The following GLIS3 variants were observed in gnomAD, a reference collection of about 807,000 sequenced individuals.
GLIS3 encodes the protein zinc finger protein GLIS3.
Under a neutral mutation model 78.6 loss-of-function variants are expected in GLIS3, and 53 were observed. The observed-to-expected ratio is 0.67, with a 90% CI of 0.54 to 0.85. The LOEUF (loss-of-function observed/expected upper bound fraction) is 0.85. Ranked by LOEUF, GLIS3 falls within the 40% of genes least tolerant of loss-of-function variation. The pLI is 0.00. For missense variants in GLIS3, 1,703 were observed against 1,231.1 expected, an observed-to-expected ratio of 1.38 and a Z score of -5.74; for synonymous variants, 684 against 509.9, an observed-to-expected ratio of 1.34 and a Z score of -4.60.
intron 2 of GLIS3, among the ~76,000 whole-genome samples, chr9:4,181,835 G>A (rs1441969448): frequency 6.6e-6 from 1 of 152,200 alleles, no homozygotes; most frequent in Non-Finnish European, 1.5e-5. Flanking sequence ...CACAGAGACA[G>A]ACCCCGTTCC....
At chr9:4,002,877 T>C (rs1468049764) in intron 4 of GLIS3, among the ~76,000 whole-genome samples, 1 of 152,188 alleles carries the variant, frequency 6.6e-6, no homozygotes, top group Non-Finnish European at 1.5e-5. Context: ...TGGTTAGAAC[T>C]GCAATAGCTG....
chr9:4,433,115 A>T, the GLIS3 span, among the ~76,000 whole-genome samples: 1 of 152,180 alleles, frequency 6.6e-6, no homozygotes, highest in African/African-American at 2.4e-5. Flanking sequence ...AGCTATATAA[A>T]TGTTGCTCTG....
intron 1 of GLIS3, chr9:4,347,321 G>T (rs1426095355): frequency 2.6e-5 from 4 of 152,066 alleles, no homozygotes; most frequent in Non-Finnish European, 4.4e-5. Flanking sequence ...ACTCATGAGG[G>T]ATCTGCCCTC....
In GLIS3 at chr9:3,954,389, G is replaced by A. The variant is rs185044389; in HGVS notation, c.1711-17200C>T. Reference sequence around the variant, plus strand: ...CAGAGCCAGTCTGCTCACATTCTAGGCACAGCTACATTCTCTGTGTTGTCT... The same window carrying A: ...CAGAGCCAGTCTGCTCACATTCTAGACACAGCTACATTCTCTGTGTTGTCT... On this transcript the variant is annotated intron_variant, in intron 4 of 10. Coordinates refer to ENST00000381971, the MANE Select transcript of GLIS3 (RefSeq NM_001042413.2). 1.1e-3 allele frequency among the ~76,000 whole-genome samples: 169 copies of A among 152,274 alleles called. 2 individuals carry two copies. The highest frequency in any genetic ancestry group is 1.9e-3 in the Non-Finnish European group (128 of 68,026).
intron 9 of GLIS3, among the ~76,000 whole-genome samples, chr9:3,846,728 C>G (rs1819070015): frequency 6.6e-6 from 1 of 152,224 alleles, no homozygotes; most frequent in East Asian, 1.9e-4. Context: ...TTTACTACCA[C>G]ACACTCAGTA....
intron 2 of GLIS3, among the ~76,000 whole-genome samples, chr9:4,222,604 G>T (rs1174821367): frequency 1.3e-5 from 2 of 152,174 alleles, no homozygotes; most frequent in Non-Finnish European, 2.9e-5. Context: ...ATTATCTAAT[G>T]TCAAGTGCGT....
At chr9:4,408,077 C>A in the GLIS3 span, among the ~76,000 whole-genome samples, 1 of 152,002 alleles carries the variant, frequency 6.6e-6, no homozygotes, top group Non-Finnish European at 1.5e-5. Context: ...TATCGTATGA[C>A]CCCAGTTAAA....
intron 4 of GLIS3, among the ~76,000 whole-genome samples, chr9:4,060,175 A>T (rs10974310): frequency 2.0e-5 from 3 of 151,676 alleles, no homozygotes; most frequent in African/African-American, 7.3e-5. Context: ...CTACCCTGAA[A>T]CTCTCAGTGG....
rs148293529 is a variant in GLIS3, at chr9:4,104,183, T to A, written c.1710+13585A>T. Among the ~76,000 whole-genome samples the A allele has an allele frequency of 8.7e-3, 1,326 of 152,174 alleles. 12 individuals are homozygous for A. Among genetic ancestry groups the A allele is most frequent in the Non-Finnish European group, 0.013 (895 of 67,986 alleles). On this transcript the variant is annotated intron_variant, in intron 4 of 10. Transcript: ENST00000381971. The stretch of plus-strand genomic sequence containing the variant: ...CTCATCTGATCTCCAGATTCACTAT[T>A]TGAATGTCTAAAAGGCTCCTCAAAC...
intron 2 of GLIS3, among the ~76,000 whole-genome samples, chr9:4,179,628 G>C (rs1406363699): frequency 6.6e-6 from 1 of 152,158 alleles, no homozygotes; most frequent in Non-Finnish European, 1.5e-5. Flanking sequence ...TTAATTTCTA[G>C]GCCAGGCACG....
Position 4,118,208 on chromosome 9 carries a change from A to C in GLIS3, c.1270T>G (p.Ser424Ala). 1 of 1,585,008 alleles carries C rather than the reference A, an allele frequency of 6.3e-7. No individual in the cohort carries two copies. The highest frequency in any genetic ancestry group is 8.6e-7 in the Non-Finnish European group (1 of 1,165,604). The change falls in exon 4 of 11, where the codon TCG becomes GCG. Residue 424 changes from serine (S) to alanine (A), a missense_variant. Transcript: ENST00000381971. This position sits in a 1 kb window ranked among gnomAD's most constrained non-coding sequence, Gnocchi z 4.7. Reference sequence around the variant, plus strand: ...CGTTCGGTCTTGAACAGGCCGGCCGACTGGCTGTCGGGGCCCGGCAGGCCA... The same window carrying C: ...CGTTCGGTCTTGAACAGGCCGGCCGCCTGGCTGTCGGGGCCCGGCAGGCCA... ...QHGLPGPDSQSAGLFKTERLE... is the reference protein window; with the variant it reads ...QHGLPGPDSQAAGLFKTERLE...
chr9:4,341,882 C>T (rs1212743737), intron 2 of GLIS3, among the ~76,000 whole-genome samples: 1 of 152,182 alleles, frequency 6.6e-6, no homozygotes, highest in Non-Finnish European at 1.5e-5. Context: ...TGCTTGTTGA[C>T]CACGTATATG....
At chr9:3,973,599 G>A (rs914474063) in intron 4 of GLIS3, among the ~76,000 whole-genome samples, 6 of 152,118 alleles carry the variant, frequency 3.9e-5, no homozygotes, top group South Asian at 2.1e-4. Context: ...ATTACTAATC[G>A]TGCTAATCCT....
intron 4 of GLIS3, among the ~76,000 whole-genome samples, chr9:4,033,888 A>AAAAAAAAAC (rs1824084825): frequency 6.6e-6 from 1 of 150,858 alleles, no homozygotes; most frequent in African/African-American, 2.4e-5. Flanking sequence ...AAAAAAAAAA[A>AAAAAAAAAC]AACTAGAATG....
At chr9:3,905,025 T>A (rs1004515526) in intron 6 of GLIS3, among the ~76,000 whole-genome samples, 1 of 150,276 alleles carries the variant, frequency 6.7e-6, no homozygotes, top group Non-Finnish European at 1.5e-5. Context: ...CAGGCCGGAG[T>A]GCAGTGGCGC....
intron 1 of GLIS3, among the ~76,000 whole-genome samples, chr9:4,294,509 C>CA (rs561397173): frequency 0.091 from 12,280 of 135,576 alleles, 521 homozygotes; most frequent in African/African-American, 0.13. Flanking sequence ...AATTATGTCT[C>CA]AAAAAAAAAA....
At chr9:4,132,049 T>TA (rs1833017000) in intron 2 of GLIS3, among the ~76,000 whole-genome samples, 1 of 150,442 alleles carries the variant, frequency 6.6e-6, no homozygotes, top group South Asian at 2.1e-4. Context: ...AATGTTTTTT[T>TA]TAAAAAAAAA....
At chr9:4,490,373 C>T in the GLIS3 span, 5 of 197,736 alleles carry the variant, frequency 2.5e-5, no homozygotes, top group Non-Finnish European at 4.0e-5. Flanking sequence ...ACCCACCCTC[C>T]TTCCCGGGCC....
chr9:4,126,929 G>A lies in GLIS3; in HGVS notation c.389-988C>T, dbSNP rs12005393. Among the ~76,000 whole-genome samples, 685 of 152,200 alleles carry A rather than the reference G, an allele frequency of 4.5e-3. 7 individuals carry two copies. The highest frequency in any genetic ancestry group is 0.013 in the African/African-American group (539 of 41,504). On this transcript the variant is annotated intron_variant, in intron 2 of 10. Transcript: ENST00000381971. The stretch of plus-strand genomic sequence containing the variant: ...CTTTTTCATTGATATATTTGGGATC[G>A]AAGTAGGAAGAAAAGTGTCACTGTC...
Sources: gnomAD v4.1 joint callset for allele counts (sites outside exome capture counted in the v4.1 genomes callset) on GRCh38, gnomAD v4.1.1 for gene constraint, Gnocchi (gnomAD v3.1) non-coding constraint, MANE v1.5 for transcripts, NCBI Gene and HGNC (gene_info 2026-07-23, HGNC 2026-07-21) for gene names.